Variants in TMEM165 observed in about 807,000 individuals in gnomAD.
TMEM165 encodes transmembrane protein 165.
In TMEM165, 19 loss-of-function variants were observed where a neutral mutation model predicts 30.0. The observed-to-expected ratio is 0.63, with a 90% CI of 0.44 to 0.93. The LOEUF (loss-of-function observed/expected upper bound fraction) is 0.93, where lower values mean the gene tolerates loss of function less well. Ranked by LOEUF, TMEM165 falls within the 40% of genes least tolerant of loss-of-function variation. TMEM165 has a pLI of 0.00. For synonymous variants in TMEM165, 168 were observed against 162.9 expected (o/e 1.03, Z -0.24); for missense variants, 340 against 417.0 (o/e 0.82, Z 1.61).
chr4:55,440,973 A>C (rs1172533484), intron 3 of TMEM165, among the ~76,000 whole-genome samples: 1 of 151,408 alleles, frequency 6.6e-6, no homozygotes, highest in East Asian at 1.9e-4. Flanking sequence ...TACAAAAACA[A>C]AACAAAACAA....
chr4:55,428,786 A>ACTT (rs1277296481), downstream of TMEM165: 5 of 149,912 alleles, frequency 3.3e-5, no homozygotes, highest in Non-Finnish European at 6.0e-5. Flanking sequence ...CAAAGGTAAA[A>ACTT]CTTTTTTTTT....
intron 3 of TMEM165, among the ~76,000 whole-genome samples, chr4:55,443,234 G>C (rs530578624): frequency 9.9e-5 from 15 of 152,202 alleles, no homozygotes; most frequent in Non-Finnish European, 1.6e-4. Flanking sequence ...CCAGCACTTT[G>C]GGAGGCTGAG....
intron 1 of TMEM165, among the ~76,000 whole-genome samples, chr4:55,400,324 TATATATA>T (rs1451335206): frequency 2.3e-5 from 2 of 86,250 alleles, no homozygotes; most frequent in African/African-American, 8.5e-5. Flanking sequence ...AATACTGTAT[TATATATA>T]ATATAATATT....
At chr4:55,402,815 G>A (rs544085853) in intron 1 of TMEM165, among the ~76,000 whole-genome samples, 3 of 15,262 alleles carry the variant, frequency 2.0e-4, no homozygotes, top group Non-Finnish European at 3.5e-4. Context: ...TTTTTGAGAC[G>A]GAGTCTTGCT....
chr4:55,435,431 T>C, intron 3 of TMEM165: 1 of 1,613,978 alleles, frequency 6.2e-7, no homozygotes, highest in Non-Finnish European at 8.5e-7. Context: ...TGGTTGAACC[T>C]TGGAAGGGTC....
At chr4:55,444,737 A>G in intron 3 of TMEM165, 1 of 1,614,086 alleles carries the variant, frequency 6.2e-7, no homozygotes, top group Non-Finnish European at 8.5e-7. Flanking sequence ...CGTTGTTCCA[A>G]TTGGTCTTTC....
intron 3 of TMEM165, chr4:55,435,714 T>C: frequency 2.1e-6 from 2 of 962,370 alleles, no homozygotes; most frequent in East Asian, 5.2e-5. Context: ...ATAATGCATA[T>C]CACTTTCACT....
At chr4:55,398,443 T>G (rs954663350) in intron 1 of TMEM165, among the ~76,000 whole-genome samples, 1 of 152,238 alleles carries the variant, frequency 6.6e-6, no homozygotes, top group Non-Finnish European at 1.5e-5. Context: ...AGAATTAGAA[T>G]CTGGACTTCT....
In TMEM165 at chr4:55,417,206, C is replaced by T; in HGVS notation, c.568C>T (p.Leu190=). 1.2e-6 allele frequency: 2 copies of T among 1,612,978 alleles called. No individual in the cohort carries two copies. The highest frequency in any genetic ancestry group is 1.7e-6 in the Non-Finnish European group (2 of 1,179,816). ...GAGCCCTGATGAGGGTCAAGAGGAA[C>T]TGGAAGAAGTTCAAGCTGAATTAAA... ...KMSPDEGQEE[L]EEVQAELKKK... is the part of the protein sequence containing the mutation. Residue 190 remains leucine (L), a synonymous_variant, in exon 3 of 6, where the codon CTG becomes TTG. Transcript: ENST00000381334.
chr4:55,415,279 T>C (rs1469809932), intron 2 of TMEM165: 6 of 152,246 alleles, frequency 3.9e-5, no homozygotes, highest in Admixed American at 3.9e-4. Flanking sequence ...CAATGGTTTA[T>C]AATTAATTAT....
chr4:55,449,481 A>G, intron 3 of TMEM165: 2 of 1,613,924 alleles, frequency 1.2e-6, no homozygotes, highest in Non-Finnish European at 8.5e-7. Flanking sequence ...ATCCGTCGGG[A>G]TCTTGGTTGG....
intron 1 of TMEM165, among the ~76,000 whole-genome samples, chr4:55,397,706 CTTTCCTTTCCTT>C (rs1436618503): frequency 6.7e-6 from 1 of 149,192 alleles, no homozygotes; most frequent in South Asian, 2.1e-4. Context: ...TTCATTTCTC[CTTTCCTTTCCTT>C]TTTCCTTTCC....
chr4:55,426,840 G>T (rs1722224027), downstream of TMEM165, among the ~76,000 whole-genome samples: 1 of 152,026 alleles, frequency 6.6e-6, no homozygotes, highest in Admixed American at 6.6e-5. Flanking sequence ...ATCTTAAGAG[G>T]AGTTTTCAGC....
intron 3 of TMEM165, among the ~76,000 whole-genome samples, chr4:55,446,134 C>A (rs1723830528): frequency 6.8e-6 from 1 of 146,628 alleles, no homozygotes; most frequent in African/African-American, 2.5e-5. Context: ...GACAGAGTCA[C>A]CCAAGCTGGA....
exon 4 of TMEM165, chr4:55,453,020 TA>T: frequency 1.4e-6 from 2 of 1,455,228 alleles, no homozygotes; most frequent in Non-Finnish European, 1.9e-6. Flanking sequence ...GGGGAGAAAT[TA>T]AAAATAATTT....
intron 1 of TMEM165, among the ~76,000 whole-genome samples, chr4:55,402,196 TA>T (rs1336846562): frequency 6.9e-6 from 1 of 145,060 alleles, no homozygotes; most frequent in East Asian, 2.0e-4. Context: ...TTCATAAAAA[TA>T]AACATTCATT....
chr4:55,444,671 G>C, intron 3 of TMEM165: 1 of 1,614,026 alleles, frequency 6.2e-7, no homozygotes, highest in Non-Finnish European at 8.5e-7. Context: ...AGTTGTTCTT[G>C]AATTTTTCTT....
chr4:55,439,534 C>T (rs1418932507), intron 3 of TMEM165, among the ~76,000 whole-genome samples: 1 of 152,122 alleles, frequency 6.6e-6, no homozygotes, highest in Admixed American at 6.5e-5. Context: ...AAAATGAAAG[C>T]AGGGACTCAA....
At chr4:55,440,445 A>C (rs1355126185) in intron 3 of TMEM165, among the ~76,000 whole-genome samples, 3 of 152,212 alleles carry the variant, frequency 2.0e-5, no homozygotes. Flanking sequence ...AACATTGGTC[A>C]TTACAGTGAG....
Sources: allele counts gnomAD v4.1 joint callset (sites outside exome capture counted in the v4.1 genomes callset), GRCh38; gene constraint gnomAD v4.1.1; transcripts MANE v1.5; gene names NCBI Gene and HGNC (gene_info 2026-07-23, HGNC 2026-07-21).